The following SDC2 variants were observed in gnomAD, a reference collection of about 807,000 sequenced individuals.
SDC2 encodes the protein syndecan 2, also known as syndecan-2.
A neutral mutation model predicts 22.2 loss-of-function variants in SDC2; 13 were observed. The observed-to-expected ratio is 0.59, with a 90% CI of 0.38 to 0.93. The LOEUF (loss-of-function observed/expected upper bound fraction) is 0.93, where lower values mean the gene tolerates loss of function less well. SDC2 is among the 40% of genes least tolerant of loss of function. The probability of loss-of-function intolerance (pLI) is 0.00; values close to 1 mark genes in which losing one functional copy is unlikely to be tolerated. For missense variants in SDC2, 235 were observed against 246.8 expected (o/e 0.95, Z 0.32); for synonymous variants, 94 against 92.8 (o/e 1.01, Z -0.07).
intron 3 of SDC2, among the ~76,000 whole-genome samples, chr8:96,604,577 A>G (rs1189132556): frequency 1.3e-5 from 2 of 152,178 alleles, no homozygotes; most frequent in Non-Finnish European, 2.9e-5. Context: ...TGCCTCTAGG[A>G]TACCATTAGT....
In SDC2 at chr8:96,540,395, A is replaced by G. The variant is rs890323149; in HGVS notation, c.60+46064A>G. ...TGTGGCAGTGTTTGCCTGTGGTCCC[A>G]ACTATTCAGAAGGCTGAGATGGGAG... On this transcript the variant is annotated intron_variant, in intron 1 of 4. Coordinates refer to ENST00000302190, the MANE Select transcript of SDC2 (RefSeq NM_002998.4). 2.0e-5 allele frequency among the ~76,000 whole-genome samples: 3 copies of G among 146,796 alleles called. No individual in the cohort carries two copies. The Admixed American group carries it at 2.1e-4, about 10-fold the overall frequency.
intron 1 of SDC2, among the ~76,000 whole-genome samples, chr8:96,566,366 G>A (rs1814299002): frequency 6.6e-6 from 1 of 152,156 alleles, no homozygotes; most frequent in African/African-American, 2.4e-5. Flanking sequence ...CTAATGCTAT[G>A]GAGTTATAAA....
intron 2 of SDC2, among the ~76,000 whole-genome samples, chr8:96,597,494 G>A (rs939557368): frequency 6.6e-6 from 1 of 152,166 alleles, no homozygotes; most frequent in Non-Finnish European, 1.5e-5. Flanking sequence ...ATATAAACAG[G>A]CAACCAAGGC....
intron 1 of SDC2, among the ~76,000 whole-genome samples, chr8:96,577,817 G>T (rs759638859): frequency 2.6e-5 from 4 of 152,068 alleles, no homozygotes; most frequent in Middle Eastern, 3.2e-3. Flanking sequence ...AACATGTTGT[G>T]TATTTGGAAT....
chr8:96,560,920 A>T (rs1814198809), intron 1 of SDC2, among the ~76,000 whole-genome samples: 1 of 152,150 alleles, frequency 6.6e-6, no homozygotes, highest in Non-Finnish European at 1.5e-5. Context: ...AGCCTGGCCA[A>T]CATGGTGAAA....
chr8:96,527,305 C>T (rs971491220), intron 1 of SDC2, among the ~76,000 whole-genome samples: 1 of 152,150 alleles, frequency 6.6e-6, no homozygotes, highest in Non-Finnish European at 1.5e-5. Context: ...CCACTTGAAT[C>T]ATTCTTTGTT....
intron 1 of SDC2, among the ~76,000 whole-genome samples, chr8:96,547,977 G>C (rs748949182): frequency 6.6e-6 from 1 of 152,082 alleles, no homozygotes; most frequent in Non-Finnish European, 1.5e-5. Context: ...GCCCAGGCTG[G>C]TCTCAAACTC....
At chr8:96,568,861 G>A (rs1047968011) in intron 1 of SDC2, among the ~76,000 whole-genome samples, 147 of 152,314 alleles carry the variant, frequency 9.7e-4, no homozygotes, top group African/African-American at 3.4e-3. Context: ...GGGATAGGCA[G>A]ATGTAACCCA....
At position 96,508,097 on chromosome 8, in the gene SDC2, C is replaced by A. The variant is rs1414106950; in HGVS notation, c.60+13766C>A. Among the ~76,000 whole-genome samples, 5 of 152,250 alleles carry A rather than the reference C, an allele frequency of 3.3e-5. No individual in the cohort carries two copies. In the South Asian group the frequency reaches 8.3e-4, roughly 25 times the overall value. On this transcript the variant is annotated intron_variant, in intron 1 of 4. Transcript: ENST00000302190. ...GGATCACGAGGCCAGGAGATCAAGA[C>A]CATCTTGGCTAACACAGTGAAACGC...
chr8:96,589,103 A>G (rs1814733473), intron 1 of SDC2, among the ~76,000 whole-genome samples: 1 of 152,204 alleles, frequency 6.6e-6, no homozygotes, highest in Non-Finnish European at 1.5e-5. Flanking sequence ...TTTTATTACA[A>G]CTACCGTATA....
At chr8:96,513,816 G>C (rs1456889769) in intron 1 of SDC2, among the ~76,000 whole-genome samples, 2 of 152,132 alleles carry the variant, frequency 1.3e-5, no homozygotes, top group Admixed American at 6.5e-5. Context: ...GATGGAACAG[G>C]CTACTTAAGC....
chr8:96,571,323 G>C (rs1018172425), intron 1 of SDC2, among the ~76,000 whole-genome samples: 2 of 152,168 alleles, frequency 1.3e-5, no homozygotes, highest in African/African-American at 4.8e-5. Context: ...CGGCTGCAAA[G>C]GCCCTGGAGT....
At chr8:96,545,922 C>G (rs1404296564) in intron 1 of SDC2, among the ~76,000 whole-genome samples, 1 of 152,202 alleles carries the variant, frequency 6.6e-6, no homozygotes, top group Non-Finnish European at 1.5e-5. Flanking sequence ...CACTAGAACT[C>G]TAGCTGGGAA....
intron 1 of SDC2, among the ~76,000 whole-genome samples, chr8:96,573,879 C>G (rs181538164): frequency 2.6e-5 from 4 of 152,238 alleles, no homozygotes; most frequent in Admixed American, 2.0e-4. Context: ...ATCTGACCCT[C>G]TTCTTAGTCT....
intron 1 of SDC2, among the ~76,000 whole-genome samples, chr8:96,526,844 T>C (rs1336133240): frequency 1.3e-5 from 2 of 152,136 alleles, no homozygotes; most frequent in Admixed American, 1.3e-4. Context: ...CCAGTGGTAC[T>C]GTTTTCTGGT....
At chr8:96,526,580 A>G (rs1813581926) in intron 1 of SDC2, among the ~76,000 whole-genome samples, 2 of 152,196 alleles carry the variant, frequency 1.3e-5, no homozygotes, top group Admixed American at 1.3e-4. Context: ...CACCCAGAGA[A>G]CTATGGAAAC....
intron 1 of SDC2, among the ~76,000 whole-genome samples, chr8:96,502,920 T>A (rs1401102059): frequency 2.0e-5 from 3 of 152,144 alleles, no homozygotes; most frequent in Non-Finnish European, 4.4e-5. Context: ...GGCACACACA[T>A]TAGTTGGGCT....
intron 2 of SDC2, among the ~76,000 whole-genome samples, chr8:96,597,469 G>C (rs1201191975): frequency 1.3e-5 from 2 of 152,152 alleles, no homozygotes; most frequent in East Asian, 3.9e-4. Context: ...CCTCTTTTCG[G>C]TGTTTCCCTC....
intron 1 of SDC2, among the ~76,000 whole-genome samples, chr8:96,548,672 A>G (rs1468058917): frequency 2.0e-5 from 3 of 152,142 alleles, no homozygotes; most frequent in Non-Finnish European, 1.5e-5. Flanking sequence ...TTGAAGTGGC[A>G]TGAATCTTAG....
Sources: gnomAD v4.1 joint callset for allele counts (sites outside exome capture counted in the v4.1 genomes callset) on GRCh38, gnomAD v4.1.1 for gene constraint, MANE v1.5 for transcripts, NCBI Gene and HGNC (gene_info 2026-07-23, HGNC 2026-07-21) for gene names.